PITPNC1: variants seen among roughly 807,000 people sequenced by gnomAD.
PITPNC1 encodes the protein phosphatidylinositol transfer protein cytoplasmic 1, also known as cytoplasmic phosphatidylinositol transfer protein 1.
PITPNC1 carries 18 observed loss-of-function variants against 44.7 expected under a neutral mutation model. The ratio of observed to expected loss-of-function variants is 0.40; its 90% CI spans 0.28 to 0.60. The LOEUF is 0.60. Among genes scored for constraint, PITPNC1 ranks in the 20% least tolerant of loss-of-function variants. The pLI is 0.39. For missense variants in PITPNC1, 290 were observed against 418.4 expected, an observed-to-expected ratio of 0.69 and a Z score of 2.68; for synonymous variants, 141 against 149.6, an observed-to-expected ratio of 0.94 and a Z score of 0.42.
At chr17:67,551,893 G>A (rs2040768886) in intron 2 of PITPNC1, among the ~76,000 whole-genome samples, 1 of 152,108 alleles carries the variant, frequency 6.6e-6, no homozygotes, top group Non-Finnish European at 1.5e-5. Flanking sequence ...CAGTGTTTGG[G>A]CTTAAACATT....
intron 6 of PITPNC1, among the ~76,000 whole-genome samples, chr17:67,661,340 C>A (rs571917571): frequency 1.3e-5 from 2 of 152,220 alleles, no homozygotes; most frequent in Admixed American, 1.3e-4. Context: ...ACTTATTATT[C>A]ATTCTCTTTT....
intron 1 of PITPNC1, among the ~76,000 whole-genome samples, chr17:67,437,305 C>T (rs1406187700): frequency 6.6e-6 from 1 of 152,042 alleles, no homozygotes; most frequent in East Asian, 1.9e-4. Context: ...TATCCAATGA[C>T]TGATGTCCTT....
chr17:67,665,220 G>C (rs1183108537), intron 6 of PITPNC1, among the ~76,000 whole-genome samples: 1 of 152,098 alleles, frequency 6.6e-6, no homozygotes, highest in African/African-American at 2.4e-5. Context: ...AGCCTCTCAA[G>C]TAGCTGCGAC....
At chr17:67,686,162 G>A (rs1165401916) in intron 8 of PITPNC1, among the ~76,000 whole-genome samples, 1 of 151,090 alleles carries the variant, frequency 6.6e-6, no homozygotes, top group Non-Finnish European at 1.5e-5. Context: ...TTAAGACAGG[G>A]TTTCTCAACT....
chr17:67,664,196 C>T (rs1368106761), intron 6 of PITPNC1, among the ~76,000 whole-genome samples: 1 of 152,140 alleles, frequency 6.6e-6, no homozygotes, highest in African/African-American at 2.4e-5. Flanking sequence ...AACTCCTGAC[C>T]TCAGGTGATC....
intron 5 of PITPNC1, among the ~76,000 whole-genome samples, chr17:67,620,802 G>A (rs749819634): frequency 1.1e-4 from 16 of 152,154 alleles, no homozygotes; most frequent in Non-Finnish European, 1.3e-4. Flanking sequence ...CAAGTGGAGC[G>A]TTTGATGGGG....
At chr17:67,574,354 C>T (rs569865288) in intron 4 of PITPNC1, among the ~76,000 whole-genome samples, 7 of 152,116 alleles carry the variant, frequency 4.6e-5, no homozygotes, top group African/African-American at 1.2e-4. Context: ...GAATAAGAAA[C>T]GTAAAGAAAT....
At chr17:67,442,107 T>G (rs2039019685) in intron 1 of PITPNC1, among the ~76,000 whole-genome samples, 1 of 150,732 alleles carries the variant, frequency 6.6e-6, no homozygotes, top group African/African-American at 2.4e-5. Flanking sequence ...CCATCTAAAC[T>G]TTTACTATTG....
chr17:67,539,547 A>AG (rs1326298548), intron 2 of PITPNC1, among the ~76,000 whole-genome samples: 3 of 152,226 alleles, frequency 2.0e-5, no homozygotes, highest in Admixed American at 6.5e-5. Flanking sequence ...GCTGCAAAAA[A>AG]CAAAAACAAG....
intron 1 of PITPNC1, among the ~76,000 whole-genome samples, chr17:67,485,641 C>T (rs896519887): frequency 3.3e-5 from 5 of 152,070 alleles, no homozygotes; most frequent in African/African-American, 1.2e-4. Context: ...GCCGCCGCAC[C>T]CGGCCAATTA....
chr17:67,629,262 G>GTGTGTGTT (rs1261977920), intron 5 of PITPNC1, among the ~76,000 whole-genome samples: 1 of 151,692 alleles, frequency 6.6e-6, no homozygotes, highest in East Asian at 1.9e-4. Flanking sequence ...GTGTGTGTGT[G>GTGTGTGTT]TGTGGTTTTT....
At chr17:67,605,982 T>G (rs943030014) in intron 5 of PITPNC1, among the ~76,000 whole-genome samples, 9 of 152,200 alleles carry the variant, frequency 5.9e-5, no homozygotes, top group African/African-American at 2.2e-4. Context: ...AATGAATAGC[T>G]GACAAAACTG....
intron 6 of PITPNC1, among the ~76,000 whole-genome samples, chr17:67,652,653 G>A (rs918577563): frequency 6.6e-6 from 1 of 152,212 alleles, no homozygotes; most frequent in Non-Finnish European, 1.5e-5. Context: ...CCAGCCAGCT[G>A]CCGGGCCGAG....
chr17:67,591,047 C>T (rs1345679583), intron 5 of PITPNC1, among the ~76,000 whole-genome samples: 1 of 152,022 alleles, frequency 6.6e-6, no homozygotes, highest in African/African-American at 2.4e-5. Flanking sequence ...GTTATCAATC[C>T]TGGAACAAAC....
intron 1 of PITPNC1, among the ~76,000 whole-genome samples, chr17:67,453,562 A>T (rs1461033695): frequency 6.6e-6 from 1 of 152,148 alleles, no homozygotes; most frequent in Non-Finnish European, 1.5e-5. Flanking sequence ...GGGTCTGCAA[A>T]CATTTTCTGT....
intron 2 of PITPNC1, among the ~76,000 whole-genome samples, chr17:67,545,937 C>T (rs958689167): frequency 2.0e-5 from 3 of 151,834 alleles, no homozygotes; most frequent in East Asian, 1.9e-4. Flanking sequence ...TGGCCAGGTG[C>T]GGTGGCTCAC....
intron 1 of PITPNC1, among the ~76,000 whole-genome samples, chr17:67,507,447 G>A (rs1488333130): frequency 2.0e-5 from 3 of 152,166 alleles, no homozygotes; most frequent in Non-Finnish European, 4.4e-5. Flanking sequence ...CACTTTGGGA[G>A]GTAGAGGTAG....
At chr17:67,451,647 GT>G (rs920545836) in intron 1 of PITPNC1, among the ~76,000 whole-genome samples, 543 of 135,954 alleles carry the variant, frequency 4.0e-3, no homozygotes, top group African/African-American at 0.014. Flanking sequence ...TTTTTGTTTT[GT>G]TTTTTTTTGA....
At chr17:67,580,084 C>A (rs2041209195) in intron 5 of PITPNC1, among the ~76,000 whole-genome samples, 1 of 152,160 alleles carries the variant, frequency 6.6e-6, no homozygotes, top group African/African-American at 2.4e-5. Context: ...AGATTATGGA[C>A]AAATTTATTT....
Sources: gnomAD v4.1 joint callset for allele counts (sites outside exome capture counted in the v4.1 genomes callset) on GRCh38, gnomAD v4.1.1 for gene constraint, MANE v1.5 for transcripts, NCBI Gene and HGNC (gene_info 2026-07-23, HGNC 2026-07-21) for gene names.